Variants in APBB1IP observed in about 807,000 individuals in gnomAD.
APBB1IP encodes amyloid beta A4 precursor protein-binding family B member 1-interacting protein.
APBB1IP carries 27 observed loss-of-function variants against 64.9 expected under a neutral mutation model. The ratio of observed to expected loss-of-function variants is 0.42; its 90% CI spans 0.31 to 0.57. APBB1IP has a LOEUF of 0.57. APBB1IP is among the 20% of genes least tolerant of loss of function. The pLI is 0.20. For synonymous variants in APBB1IP, 392 were observed against 331.0 expected, an observed-to-expected ratio of 1.18 and a Z score of -2.00; for missense variants, 812 against 845.5, an observed-to-expected ratio of 0.96 and a Z score of 0.49.
intron 2 of APBB1IP, among the ~76,000 whole-genome samples, chr10:26,444,683 T>C (rs1204299421): frequency 6.6e-6 from 1 of 152,206 alleles, no homozygotes; most frequent in African/African-American, 2.4e-5. Flanking sequence ...CTGATGTGCT[T>C]ATTATATATA....
chr10:26,531,417 C>T (rs1260575330), intron 8 of APBB1IP, among the ~76,000 whole-genome samples: 1 of 151,998 alleles, frequency 6.6e-6, no homozygotes, highest in Non-Finnish European at 1.5e-5. Context: ...CCTGTAATCC[C>T]AGCACTTTGG....
chr10:26,472,101 C>A (rs769726705), intron 2 of APBB1IP, among the ~76,000 whole-genome samples: 1 of 151,970 alleles, frequency 6.6e-6, no homozygotes, highest in Non-Finnish European at 1.5e-5. Flanking sequence ...GTGGGGGCTG[C>A]GGGGGGAAGA....
chr10:26,457,135 A>G (rs140947652), intron 2 of APBB1IP, among the ~76,000 whole-genome samples: 2 of 152,168 alleles, frequency 1.3e-5, no homozygotes, highest in African/African-American at 4.8e-5. Context: ...CCTTTTAGAC[A>G]CTCACAGCAC....
chr10:26,564,966 C>T (rs1372275910), intron 14 of APBB1IP, among the ~76,000 whole-genome samples: 2 of 152,160 alleles, frequency 1.3e-5, no homozygotes, highest in Non-Finnish European at 2.9e-5. Flanking sequence ...TCCCTAGAAG[C>T]CCACAGTCCT....
chr10:26,525,059 G>C (rs1484651902), intron 8 of APBB1IP, among the ~76,000 whole-genome samples: 1 of 148,944 alleles, frequency 6.7e-6, no homozygotes, highest in African/African-American at 2.5e-5. Flanking sequence ...GAGGTAGGAG[G>C]ATCACTTGAG....
At position 26,438,848 on chromosome 10, in the gene APBB1IP, G is replaced by C. The variant is rs1835308281; in HGVS notation, c.-6G>C. On this transcript the variant is annotated 5_prime_UTR_variant, in exon 2 of 15. Transcript: ENST00000376236. ...GCGCCCCGCAGCGCCCCGCAGAGCAGTCGAGGTAAGTGGCGCTCCCAGTCC... is the reference window on the plus strand; with the variant it reads ...GCGCCCCGCAGCGCCCCGCAGAGCACTCGAGGTAAGTGGCGCTCCCAGTCC... 2 of 152,364 alleles carry C rather than the reference G, an allele frequency of 1.3e-5. No homozygotes were observed. Among genetic ancestry groups the C allele is most frequent in the African/African-American group, 4.8e-5 (2 of 41,456 alleles). The allele number at this position is 152,364 out of a possible 1,614,324, so 9.4% of individuals were successfully genotyped here.
At chr10:26,497,972 C>T (rs1229806386) in intron 4 of APBB1IP, among the ~76,000 whole-genome samples, 1 of 152,068 alleles carries the variant, frequency 6.6e-6, no homozygotes. Flanking sequence ...GGTGATCCAA[C>T]TGTTTCAGCC....
intron 14 of APBB1IP, among the ~76,000 whole-genome samples, chr10:26,564,430 A>T (rs1564380453): frequency 6.6e-6 from 1 of 152,262 alleles, no homozygotes; most frequent in African/African-American, 2.4e-5. Context: ...ATCTCATCAC[A>T]ACCTGAGACA....
intron 11 of APBB1IP, 101 bp from the exon 12 acceptor site, chr10:26,560,004 C>T (rs770358387): frequency 5.5e-5 from 52 of 942,574 alleles, no homozygotes; most frequent in Admixed American, 2.6e-4. Context: ...CCACATAAAT[C>T]ACATATATTG....
At chr10:26,513,070 G>C (rs75652046) in intron 7 of APBB1IP, among the ~76,000 whole-genome samples, 6 of 152,236 alleles carry the variant, frequency 3.9e-5, no homozygotes, top group Non-Finnish European at 8.8e-5. Flanking sequence ...TCCACCTCAC[G>C]TAGAATGTTT....
rs528085787 is a variant in APBB1IP, at chr10:26,444,799, A to G, written c.-1+5946A>G. ...TTAGGAAATTTGCCCAAGGCTACAC[A>G]GTTTAAGAAATGGGACATAGGCTGC... On this transcript the variant is annotated intron_variant, in intron 2 of 14. Coordinates refer to ENST00000376236, the MANE Select transcript of APBB1IP (RefSeq NM_019043.4). Among the ~76,000 whole-genome samples the G allele has an allele frequency of 3.3e-5, 5 of 152,294 alleles. No homozygotes were observed. The South Asian group carries it at 1.0e-3, about 32-fold the overall frequency.
intron 2 of APBB1IP, among the ~76,000 whole-genome samples, chr10:26,454,553 A>T (rs1241085691): frequency 7.9e-6 from 1 of 125,792 alleles, no homozygotes; most frequent in African/African-American, 3.1e-5. Context: ...GAGTAGAAGG[A>T]TGGTTACCGA....
At chr10:26,471,291 C>T (rs1337735709) in intron 2 of APBB1IP, among the ~76,000 whole-genome samples, 1 of 152,118 alleles carries the variant, frequency 6.6e-6, no homozygotes, top group Admixed American at 6.5e-5. Context: ...AATAGAGACC[C>T]CCACACTGCA....
chr10:26,496,373 G>A lies in APBB1IP; in HGVS notation c.142G>A (p.Gly48Arg). 1 of 1,610,634 alleles carries A rather than the reference G, an allele frequency of 6.2e-7. No individual in the cohort carries two copies. ...PPRAEFNYSV[G>R]FKDLNESLNA... is the part of the protein sequence containing the mutation. ...CAGAGCTGAATTTAACTACAGTGTGGGGTTTAAAGATTTAAATGGTAAGCA... is the reference window on the plus strand; with the variant it reads ...CAGAGCTGAATTTAACTACAGTGTGAGGTTTAAAGATTTAAATGGTAAGCA... Residue 48 changes from glycine (G) to arginine (R), a missense_variant, in exon 4 of 15, where the codon GGG (glycine) becomes AGG (arginine). By Grantham distance (125) the Gly-to-Arg change is moderately radical. Transcript: ENST00000376236.
intron 11 of APBB1IP, among the ~76,000 whole-genome samples, chr10:26,551,170 A>G (rs1338045551): frequency 6.6e-6 from 1 of 152,128 alleles, no homozygotes; most frequent in East Asian, 1.9e-4. Context: ...AAATTTGTCC[A>G]CCTGGCTGCT....
At chr10:26,521,654 T>A (rs1269650953) in intron 8 of APBB1IP, among the ~76,000 whole-genome samples, 2 of 152,226 alleles carry the variant, frequency 1.3e-5, no homozygotes, top group African/African-American at 4.8e-5. Flanking sequence ...ACTCTGTGCT[T>A]GCGTAACCCT....
chr10:26,498,266 T>C (rs763393426), intron 4 of APBB1IP, among the ~76,000 whole-genome samples: 1 of 152,016 alleles, frequency 6.6e-6, no homozygotes, highest in African/African-American at 2.4e-5. Flanking sequence ...CCCAGCACTT[T>C]GGGAGGCCGA....
At chr10:26,527,050 C>T (rs961429610) in intron 8 of APBB1IP, among the ~76,000 whole-genome samples, 31 of 152,196 alleles carry the variant, frequency 2.0e-4, no homozygotes, top group African/African-American at 7.2e-4. Flanking sequence ...CCATTCCCTT[C>T]CAGCCTCCCT....
intron 11 of APBB1IP, among the ~76,000 whole-genome samples, chr10:26,559,110 G>A (rs942855210): frequency 6.6e-6 from 1 of 152,096 alleles, no homozygotes; most frequent in African/African-American, 2.4e-5. Flanking sequence ...ATTCTCATAG[G>A]CATTAATTCT....
Sources: gnomAD v4.1 joint callset for allele counts (sites outside exome capture counted in the v4.1 genomes callset) on GRCh38, gnomAD v4.1.1 for gene constraint, MANE v1.5 for transcripts, NCBI Gene and HGNC (gene_info 2026-07-23, HGNC 2026-07-21) for gene names.